TRPM8: variants seen among roughly 807,000 people sequenced by gnomAD.
TRPM8 encodes the protein TRPM8 cationic channel.
Under a neutral mutation model 133.7 loss-of-function variants are expected in TRPM8, and 110 were observed. That is an observed-to-expected ratio of 0.82 (90% CI 0.70 to 0.96). The LOEUF is 0.96. TRPM8 is among the 40% of genes least tolerant of loss of function. TRPM8 has a pLI of 0.00. For synonymous variants in TRPM8, 535 were observed against 532.3 expected, an observed-to-expected ratio of 1.01 and a Z score of -0.07; for missense variants, 1,291 against 1,379.5, an observed-to-expected ratio of 0.94 and a Z score of 1.02.
intron 2 of TRPM8, among the ~76,000 whole-genome samples, chr2:233,927,860 C>CTATT (rs1553653795): frequency 4.2e-5 from 1 of 24,092 alleles, no homozygotes; most frequent in Non-Finnish European, 6.7e-5. Flanking sequence ...TCCTTTCTTT[C>CTATT]TCTTTCTTTC....
intron 17 of TRPM8, among the ~76,000 whole-genome samples, chr2:233,972,559 A>G (rs1691754728): frequency 6.6e-6 from 1 of 152,314 alleles, no homozygotes; most frequent in Middle Eastern, 3.4e-3. Context: ...ACAGGAGCCC[A>G]CTGAGGGGGT....
chr2:233,934,650 C>T (rs1334192910), intron 3 of TRPM8, among the ~76,000 whole-genome samples: 1 of 152,214 alleles, frequency 6.6e-6, no homozygotes. Context: ...ATTTGTTCCT[C>T]ATTATAGAAT....
chr2:233,923,145 A>G (rs1691443285), intron 1 of TRPM8, among the ~76,000 whole-genome samples: 1 of 152,186 alleles, frequency 6.6e-6, no homozygotes, highest in South Asian at 2.1e-4. Flanking sequence ...CTGAGATTAC[A>G]GGTGTGAGCC....
rs150453222 is a variant in TRPM8 at position 233,990,539 on chromosome 2, C to T, written c.2939+4674C>T. On this transcript the variant is annotated intron_variant, in intron 21 of 25. Transcript: ENST00000324695. ...TGGCTGTACATGCTAGTACATCCAT[C>T]GCATGTCTTATAAGCATTTTAAATC... Among the ~76,000 whole-genome samples the T allele has an allele frequency of 7.8e-4, 118 of 152,104 alleles. 2 individuals are homozygous for T. The highest frequency in any genetic ancestry group is 3.1e-3 in the Admixed American group (48 of 15,292).
chr2:233,940,048 GTT>G (rs34052230), intron 5 of TRPM8, among the ~76,000 whole-genome samples: 108 of 138,080 alleles, frequency 7.8e-4, no homozygotes, highest in African/African-American at 2.5e-3. Context: ...ATTTAGCTTT[GTT>G]TTTTTTTTTT....
At chr2:233,946,092 C>A in intron 7 of TRPM8, 62 bp downstream of exon 7, 2 of 1,501,854 alleles carry the variant, frequency 1.3e-6, no homozygotes, top group South Asian at 1.2e-5. Context: ...ACAGCATCAA[C>A]AACAATCACT....
At chr2:233,980,750 C>A (rs1403845659) in intron 18 of TRPM8, among the ~76,000 whole-genome samples, 1 of 152,144 alleles carries the variant, frequency 6.6e-6, no homozygotes. Context: ...AGCGTATTTC[C>A]TCAATGGCAC....
In TRPM8 at chr2:233,926,620, C is replaced by G; in HGVS notation, c.83C>G (p.Ala28Gly). 1 of 1,614,104 alleles carries G rather than the reference C, an allele frequency of 6.2e-7. No individual in the cohort carries two copies. Reference protein sequence around the residue: ...LDSTRTLYSSASRSTDLSYSE... With the variant: ...LDSTRTLYSSGSRSTDLSYSE... ...AGCACCCGGACCCTGTACTCCAGCGCGTCTCGGAGCACAGACTTGTCTTAC... is the reference window on the plus strand; with the variant it reads ...AGCACCCGGACCCTGTACTCCAGCGGGTCTCGGAGCACAGACTTGTCTTAC... The change falls in exon 2 of 26, where the codon GCG becomes GGG. Residue 28 changes from alanine (A) to glycine (G), a missense_variant. Around this residue, in one of 2 missense-constraint regions of TRPM8, gnomAD observed 963 missense variants for 968.9 expected, o/e 0.99. Coordinates refer to ENST00000324695, the MANE Select transcript of TRPM8 (RefSeq NM_024080.5).
intron 17 of TRPM8, among the ~76,000 whole-genome samples, chr2:233,977,344 G>T (rs1294674648): frequency 6.6e-6 from 1 of 152,208 alleles, no homozygotes; most frequent in Non-Finnish European, 1.5e-5. Context: ...GCTTATCCCA[G>T]GCATTCTGCT....
chr2:233,985,643 C>T, intron 20 of TRPM8, 45 bp from the exon 21 acceptor site: 1 of 1,587,576 alleles, frequency 6.3e-7, no homozygotes, highest in Non-Finnish European at 8.6e-7. Context: ...CGCTCTCACC[C>T]CTCCAGAGGG....
At chr2:234,001,978 C>A (rs574850129) in intron 22 of TRPM8, among the ~76,000 whole-genome samples, 1 of 152,110 alleles carries the variant, frequency 6.6e-6, no homozygotes, top group Non-Finnish European at 1.5e-5. Flanking sequence ...CAGGGCTCAT[C>A]ATCTGGGGGA....
At chr2:233,923,584 G>A (rs932222932) in intron 1 of TRPM8, among the ~76,000 whole-genome samples, 3 of 152,144 alleles carry the variant, frequency 2.0e-5, no homozygotes, top group African/African-American at 4.8e-5. Flanking sequence ...TGCACATCTC[G>A]AGCACATCCT....
intron 17 of TRPM8, among the ~76,000 whole-genome samples, chr2:233,973,620 A>C (rs1240310689): frequency 6.6e-6 from 1 of 152,206 alleles, no homozygotes; most frequent in African/African-American, 2.4e-5. Flanking sequence ...ATGCCAAGGT[A>C]CTGGGGGCTA....
chr2:233,994,513 A>G (rs1052627861), intron 21 of TRPM8, among the ~76,000 whole-genome samples: 2 of 152,156 alleles, frequency 1.3e-5, no homozygotes, highest in Admixed American at 6.5e-5. Context: ...TCTTTTAAGG[A>G]TCTCACCCTG....
chr2:233,927,340 G>GT (rs776614993), intron 2 of TRPM8, among the ~76,000 whole-genome samples: 3 of 152,194 alleles, frequency 2.0e-5, no homozygotes, highest in Non-Finnish European at 4.4e-5. Context: ...TCATTGAGCT[G>GT]TAAGAACACG....
chr2:233,989,573 C>T lies in TRPM8; in HGVS notation c.2939+3708C>T, dbSNP rs900562254. 2.0e-5 allele frequency among the ~76,000 whole-genome samples: 3 copies of T among 152,172 alleles called. No homozygotes were observed. The highest frequency in any genetic ancestry group is 4.4e-5 in the Non-Finnish European group (3 of 68,040). On this transcript the variant is annotated intron_variant, in intron 21 of 25. Transcript: ENST00000324695. The surrounding 1 kb of genome is among the most constrained non-coding windows in gnomAD (Gnocchi z 4.2). ...GTTTCTGATCATTTTTAAAGTTGTTCAGGGCTTACTCTGTGAGCAGATGGC... is the reference window on the plus strand; with the variant it reads ...GTTTCTGATCATTTTTAAAGTTGTTTAGGGCTTACTCTGTGAGCAGATGGC...
chr2:233,946,527 G>A (rs2215173), intron 7 of TRPM8, among the ~76,000 whole-genome samples: 57,258 of 152,142 alleles, frequency 0.38, 16,984 homozygotes, highest in African/African-American at 0.8. Context: ...TGCCGTGGTT[G>A]AGTGACATGT....
intron 18 of TRPM8, 68 bp from the exon 19 acceptor site, chr2:233,981,706 T>A: frequency 6.6e-7 from 1 of 1,510,650 alleles, no homozygotes; most frequent in South Asian, 1.3e-5. Flanking sequence ...ATTGGGTTAT[T>A]TTTAGAAACA....
intron 13 of TRPM8, among the ~76,000 whole-genome samples, chr2:233,963,610 T>C (rs1284710984): frequency 6.6e-6 from 1 of 152,112 alleles, no homozygotes; most frequent in Non-Finnish European, 1.5e-5. Flanking sequence ...TTCTCAGGTG[T>C]GTGTGGGTGT....
Sources: allele counts gnomAD v4.1 joint callset (sites outside exome capture counted in the v4.1 genomes callset), GRCh38; gene constraint gnomAD v4.1.1; regional missense constraint gnomAD v4.1.1; non-coding constraint Gnocchi (gnomAD v3.1); transcripts MANE v1.5; gene names NCBI Gene and HGNC (gene_info 2026-07-23, HGNC 2026-07-21).